The following HKDC1 variants were observed in gnomAD, a reference collection of about 807,000 sequenced individuals.
HKDC1 encodes hexokinase HKDC1.
A neutral mutation model predicts 96.6 loss-of-function variants in HKDC1; 66 were observed. The ratio of observed to expected loss-of-function variants is 0.68; its 90% CI spans 0.56 to 0.84. The LOEUF is 0.84. HKDC1 is among the 40% of genes least tolerant of loss of function. The pLI is 0.00. For missense variants in HKDC1, 1,211 were observed against 1,208.1 expected, an observed-to-expected ratio of 1.00 and a Z score of -0.04; for synonymous variants, 466 against 473.1, an observed-to-expected ratio of 0.98 and a Z score of 0.20.
intron 7 of HKDC1, 118 bp from the exon 8 acceptor site, chr10:69,245,961 A>C: frequency 7.9e-7 from 1 of 1,259,826 alleles, no homozygotes; most frequent in Non-Finnish European, 1.1e-6. Flanking sequence ...GAAGGAGGGA[A>C]TCTTAGCTCA....
intron 1 of HKDC1, among the ~76,000 whole-genome samples, chr10:69,224,538 C>G (rs1180869052): frequency 6.6e-6 from 1 of 152,212 alleles, no homozygotes; most frequent in African/African-American, 2.4e-5. Context: ...CCGCCTCGGC[C>G]TCCCAAAGTG....
intron 10 of HKDC1, 39 bp from the exon 11 acceptor site, chr10:69,250,251 C>T (rs1843617277): frequency 6.3e-7 from 1 of 1,593,310 alleles, no homozygotes. Context: ...CGACACAAGT[C>T]CCTGTCATGG....
At position 69,256,427 on chromosome 10, in the gene HKDC1, C is replaced by T. The variant is rs141567751; in HGVS notation, c.1837-609C>T. On this transcript the variant is annotated intron_variant, in intron 12 of 17. Coordinates refer to ENST00000354624, the MANE Select transcript of HKDC1 (RefSeq NM_025130.4). ...GACTAAGTTAGAAGTAGGATCATGG[C>T]CAGATGTGGTGACTCATGCCTGTAA... 1.1e-3 allele frequency among the ~76,000 whole-genome samples: 165 copies of T among 152,296 alleles called. 4 individuals are homozygous for T. The East Asian group carries it at 0.031, about 29-fold the overall frequency.
At chr10:69,234,790 G>A (rs775464900) in intron 4 of HKDC1, among the ~76,000 whole-genome samples, 1 of 152,234 alleles carries the variant, frequency 6.6e-6, no homozygotes, top group Non-Finnish European at 1.5e-5. Context: ...GACCTTCCCC[G>A]CCAAGGTCTC....
At position 69,267,327 on chromosome 10, in the gene HKDC1, T is replaced by G. The variant is rs539619243; in HGVS notation, c.*570T>G. 8.3e-6 allele frequency: 3 copies of G among 362,830 alleles called. No individual in the cohort carries two copies. The highest frequency in any genetic ancestry group is 4.4e-5 in the South Asian group (2 of 45,526). The allele number at this position is 362,830 out of a possible 1,614,324, so 22.5% of individuals were successfully genotyped here. A position where few individuals can be genotyped will look rare whatever the true frequency, so the allele number is the denominator to read the frequency against. Reference sequence around the variant, plus strand: ...AGCCCCAGGGTGCAGAGAGGTTGATTGCCAGGGAGCACTGCAGGAATCATT... The same window carrying G: ...AGCCCCAGGGTGCAGAGAGGTTGATGGCCAGGGAGCACTGCAGGAATCATT... On this transcript the variant is annotated 3_prime_UTR_variant, in exon 18 of 18. Transcript: ENST00000354624.
intron 4 of HKDC1, among the ~76,000 whole-genome samples, chr10:69,238,247 A>G (rs566443266): frequency 4.8e-4 from 73 of 152,300 alleles, no homozygotes; most frequent in African/African-American, 1.2e-3. Flanking sequence ...CCTGGTTGGG[A>G]ATCATTTTTC....
At chr10:69,233,871 C>T (rs1446142343) in intron 4 of HKDC1, among the ~76,000 whole-genome samples, 1 of 114,676 alleles carries the variant, frequency 8.7e-6, no homozygotes, top group East Asian at 2.7e-4. Context: ...GCACTCCAGC[C>T]TGGGTGACAG....
chr10:69,225,115 C>T (rs536695180), intron 1 of HKDC1, among the ~76,000 whole-genome samples: 178 of 152,330 alleles, frequency 1.2e-3, no homozygotes, highest in African/African-American at 4.1e-3. Context: ...AAACCAAGTG[C>T]TCAATGACCC....
chr10:69,239,153 C>A lies in HKDC1; in HGVS notation c.591+16C>A. 1.3e-6 allele frequency: 2 copies of A among 1,593,886 alleles called. No individual in the cohort carries two copies. Among genetic ancestry groups the A allele is most frequent in the South Asian group, 1.1e-5 (1 of 90,414 alleles). ...AAGACACAAGGTGAGGAATTCACCT[C>A]GGTGTGGGAGGCTCTCCCAGCCCTA... On this transcript the variant is annotated intron_variant, in intron 5 of 17. Transcript: ENST00000354624.
intron 1 of HKDC1, among the ~76,000 whole-genome samples, chr10:69,221,461 C>T (rs953724): frequency 0.27 from 40,418 of 151,886 alleles, 6,135 homozygotes; most frequent in Non-Finnish European, 0.35. Context: ...CTGGCTGTCA[C>T]GGCCCTGGGC....
In HKDC1 at chr10:69,255,381, G is replaced by A. The variant is rs181208363; in HGVS notation, c.1837-1655G>A. Among the ~76,000 whole-genome samples, 189 of 152,364 alleles carry A rather than the reference G, an allele frequency of 1.2e-3. No homozygotes were observed. The East Asian group carries it at 0.018, about 14-fold the overall frequency. On this transcript the variant is annotated intron_variant, in intron 12 of 17. Transcript: ENST00000354624. ...AGTTTCCCAAGAACTATGGAGGGAA[G>A]GAGGGAGACTGGGGCTTGTGGGCTA...
intron 6 of HKDC1, among the ~76,000 whole-genome samples, chr10:69,242,170 T>G (rs1190082374): frequency 6.6e-6 from 1 of 152,216 alleles, no homozygotes; most frequent in African/African-American, 2.4e-5. Context: ...GGGCAGGTTT[T>G]TAAACCTGAG....
At chr10:69,251,486 A>G (rs1212538141) in intron 12 of HKDC1, among the ~76,000 whole-genome samples, 1 of 152,174 alleles carries the variant, frequency 6.6e-6, no homozygotes, top group Non-Finnish European at 1.5e-5. Context: ...CCATTTTCAT[A>G]TGAATTTTAG....
At chr10:69,263,958 T>C (rs1843850256) in intron 16 of HKDC1, among the ~76,000 whole-genome samples, 1 of 152,198 alleles carries the variant, frequency 6.6e-6, no homozygotes, top group Non-Finnish European at 1.5e-5. Flanking sequence ...GCAGATCACC[T>C]GAGGTCAGGT....
At chr10:69,264,649 A>G (rs1304983263) in intron 16 of HKDC1, among the ~76,000 whole-genome samples, 1 of 152,204 alleles carries the variant, frequency 6.6e-6, no homozygotes, top group Non-Finnish European at 1.5e-5. Flanking sequence ...TTACAGGTGT[A>G]AGCCACTGTG....
chr10:69,261,055 G>A (rs983430764), intron 15 of HKDC1, 84 bp from the exon 16 acceptor site: 18 of 1,290,034 alleles, frequency 1.4e-5, no homozygotes, highest in Admixed American at 5.3e-5. Context: ...TGCTCCATGC[G>A]TAGCTCCAAA....
At chr10:69,252,039 C>A (rs548435615) in intron 12 of HKDC1, among the ~76,000 whole-genome samples, 1 of 152,232 alleles carries the variant, frequency 6.6e-6, no homozygotes, top group Admixed American at 6.5e-5. Flanking sequence ...GGATTACAGG[C>A]GTGAGCCACT....
At chr10:69,234,646 G>T (rs1443815599) in intron 4 of HKDC1, among the ~76,000 whole-genome samples, 1 of 152,260 alleles carries the variant, frequency 6.6e-6, no homozygotes, top group Non-Finnish European at 1.5e-5. Context: ...ATCCAACACT[G>T]TGGTTGGGCC....
chr10:69,252,973 CGTGTGTGTGTGTGTGT>C (rs57083436), intron 12 of HKDC1, among the ~76,000 whole-genome samples: 4 of 140,272 alleles, frequency 2.9e-5, no homozygotes, highest in Admixed American at 7.2e-5. Flanking sequence ...CATCTCTAAA[CGTGTGTGTGTGTGTGT>C]GTGTGTGTGT....
Sources: gnomAD v4.1 joint callset for allele counts (sites outside exome capture counted in the v4.1 genomes callset) on GRCh38, gnomAD v4.1.1 for gene constraint, MANE v1.5 for transcripts, NCBI Gene and HGNC (gene_info 2026-07-23, HGNC 2026-07-21) for gene names.